ERAP1: variants seen among roughly 807,000 people sequenced by gnomAD.
The protein encoded by ERAP1 is adipocyte-derived leucine aminopeptidase.
A neutral mutation model predicts 103.7 loss-of-function variants in ERAP1; 86 were observed. That is an observed-to-expected ratio of 0.83 (90% CI 0.70 to 0.99). The LOEUF is 0.99. Ranked by LOEUF, ERAP1 falls within the 50% of genes least tolerant of loss-of-function variation. The pLI is 0.00. For synonymous variants in ERAP1, 398 were observed against 402.4 expected (o/e 0.99, Z 0.13); for missense variants, 1,009 against 1,128.4 (o/e 0.89, Z 1.52).
At chr5:96,768,123 G>A in intron 19 of ERAP1, 2 of 723,748 alleles carry the variant, frequency 2.8e-6, no homozygotes, top group Non-Finnish European at 4.9e-6. Flanking sequence ...TTACTCTATA[G>A]CCCAGGCTGG....
chr5:96,874,865 C>T, the ERAP1 span, among the ~76,000 whole-genome samples: 11 of 152,192 alleles, frequency 7.2e-5, no homozygotes, highest in African/African-American at 2.7e-4. Flanking sequence ...GTGTCTGCAA[C>T]ATGATAAGAG....
At chr5:96,799,696 C>T (rs1373574082) in intron 3 of ERAP1, among the ~76,000 whole-genome samples, 1 of 152,192 alleles carries the variant, frequency 6.6e-6, no homozygotes, top group South Asian at 2.1e-4. Flanking sequence ...AGTAATACCA[C>T]AATACTGGGG....
chr5:96,807,323 C>A (rs564856627), intron 1 of ERAP1, among the ~76,000 whole-genome samples: 1 of 152,290 alleles, frequency 6.6e-6, no homozygotes, highest in East Asian at 1.9e-4. Flanking sequence ...ACGGCCCGCG[C>A]ATCCCACCCC....
At chr5:96,891,525 A>G in the ERAP1 span, among the ~76,000 whole-genome samples, 1 of 30,480 alleles carries the variant, frequency 3.3e-5, no homozygotes, top group African/African-American at 1.3e-4. Flanking sequence ...ATGCCCATAT[A>G]CGGTATATAT....
chr5:96,786,432 C>G, intron 12 of ERAP1, 38 bp downstream of exon 12: 1 of 1,343,586 alleles, frequency 7.4e-7, no homozygotes, highest in Non-Finnish European at 1.1e-6. Flanking sequence ...TTTTCACATT[C>G]CTCCTTGAAT....
At chr5:96,802,291 A>G in intron 2 of ERAP1, among the ~76,000 whole-genome samples, 1 of 152,184 alleles carries the variant, frequency 6.6e-6, no homozygotes, top group East Asian at 1.9e-4. Flanking sequence ...ATCATTAAAA[A>G]GATGTCTAGT....
the ERAP1 span, among the ~76,000 whole-genome samples, chr5:96,838,226 A>G: frequency 6.6e-6 from 1 of 152,146 alleles, no homozygotes. Context: ...CATTAATAAT[A>G]TCTCCAAATG....
chr5:96,839,613 C>G, the ERAP1 span, among the ~76,000 whole-genome samples: 6 of 152,298 alleles, frequency 3.9e-5, no homozygotes, highest in South Asian at 2.1e-4. Flanking sequence ...TATATCGACA[C>G]GGTCCACAGG....
At chr5:96,889,227 T>C in the ERAP1 span, 22 of 1,614,044 alleles carry the variant, frequency 1.4e-5, no homozygotes, top group East Asian at 4.5e-5. Flanking sequence ...TCAAACACAT[T>C]ATGCTTTGCA....
At chr5:96,873,167 T>G in the ERAP1 span, 1 of 357,442 alleles carries the variant, frequency 2.8e-6, no homozygotes, top group Non-Finnish European at 5.6e-6. Flanking sequence ...CCAGCCTGGG[T>G]GACAGAGTGA....
chr5:96,851,012 T>C, the ERAP1 span, among the ~76,000 whole-genome samples: 9 of 152,150 alleles, frequency 5.9e-5, no homozygotes, highest in African/African-American at 1.7e-4. Flanking sequence ...AGAAAATATT[T>C]TGACATGCTC....
At chr5:96,805,798 T>C (rs1455724584) in intron 1 of ERAP1, 1 of 152,250 alleles carries the variant, frequency 6.6e-6, no homozygotes, top group African/African-American at 2.4e-5. Flanking sequence ...CAAGACGGGA[T>C]CCAGAGGACT....
chr5:96,881,436 T>C, the ERAP1 span: 1 of 456,230 alleles, frequency 2.2e-6, no homozygotes, highest in African/African-American at 2.0e-5. Context: ...GGATGCTTCA[T>C]AGAGTGGACG....
chr5:96,807,478 C>A (rs974237239), intron 1 of ERAP1, among the ~76,000 whole-genome samples: 5 of 152,200 alleles, frequency 3.3e-5, no homozygotes, highest in South Asian at 2.1e-4. Flanking sequence ...GGCATCCAGG[C>A]GCCAGGCGGA....
At chr5:96,905,337 T>G in the ERAP1 span, among the ~76,000 whole-genome samples, 76 of 152,296 alleles carry the variant, frequency 5.0e-4, no homozygotes, top group African/African-American at 1.7e-3. Flanking sequence ...TATTTCAAAA[T>G]GCTATTGTTG....
chr5:96,780,995 A>C lies in ERAP1; in HGVS notation c.2588+63T>G, dbSNP rs1297084229. 5 of 1,592,516 alleles carry C rather than the reference A, an allele frequency of 3.1e-6. No homozygotes were observed. The East Asian group carries it at 8.9e-5, about 28-fold the overall frequency. ...TGTTACTGTTCTTTTACAAACAGCA[A>C]GGCTAAAACACAGTAAGGTTATGAA... On this transcript the variant is annotated intron_variant, in intron 17 of 18. Coordinates refer to ENST00000443439, the MANE Select transcript of ERAP1 (RefSeq NM_001040458.3).
chr5:96,845,426 G>T, the ERAP1 span, among the ~76,000 whole-genome samples: 1 of 152,056 alleles, frequency 6.6e-6, no homozygotes, highest in Admixed American at 6.6e-5. Context: ...GTAGAGACAA[G>T]GTTTCACCAT....
chr5:96,796,990 T>C (rs1777413515), intron 4 of ERAP1, among the ~76,000 whole-genome samples, 185 bp downstream of exon 4: 1 of 152,176 alleles, frequency 6.6e-6, no homozygotes, highest in African/African-American at 2.4e-5. Flanking sequence ...GTTCTCACTA[T>C]TTTGTCCAGG....
the ERAP1 span, among the ~76,000 whole-genome samples, chr5:96,885,133 C>T: frequency 1.4e-4 from 21 of 152,296 alleles, no homozygotes; most frequent in South Asian, 3.9e-3. Context: ...CATTTGCCTC[C>T]GAACCATCTC....
Sources: allele counts gnomAD v4.1 joint callset (sites outside exome capture counted in the v4.1 genomes callset), GRCh38; gene constraint gnomAD v4.1.1; transcripts MANE v1.5; gene names NCBI Gene and HGNC (gene_info 2026-07-23, HGNC 2026-07-21).